The following LRRC19 variants were observed in gnomAD, a reference collection of about 807,000 sequenced individuals.
The protein encoded by LRRC19 is leucine-rich repeat-containing protein 19.
LRRC19 carries 33 observed loss-of-function variants against 33.3 expected under a neutral mutation model. That is an observed-to-expected ratio of 0.99 (90% CI 0.75 to 1.33). The LOEUF is 1.33. LRRC19 is among the 40% of genes most tolerant of loss of function. LRRC19 has a pLI of 0.00. For missense variants in LRRC19, 463 were observed against 417.3 expected, an observed-to-expected ratio of 1.11 and a Z score of -0.95; for synonymous variants, 184 against 152.3, an observed-to-expected ratio of 1.21 and a Z score of -1.53.
chr9:27,002,172 C>G (rs1049769608), intron 1 of LRRC19, among the ~76,000 whole-genome samples: 4 of 152,112 alleles, frequency 2.6e-5, no homozygotes, highest in Non-Finnish European at 1.5e-5. Flanking sequence ...GGCTCTGTTG[C>G]CCAGGCTGGA....
intron 1 of LRRC19, among the ~76,000 whole-genome samples, chr9:27,005,362 C>A (rs1048870670): frequency 9.6e-5 from 2 of 20,928 alleles, no homozygotes; most frequent in South Asian, 1.7e-3. Flanking sequence ...TCCCCCCCCG[C>A]CCCCCGCAAA....
chr9:26,999,610 T>C lies in LRRC19; in HGVS notation c.81+4A>G, dbSNP rs573742706. 2.2e-5 allele frequency: 35 copies of C among 1,575,440 alleles called. No homozygotes were observed. In the South Asian group the frequency reaches 4.0e-4, roughly 18 times the overall value. ...TTTTTACTATTTTGATTGTAAAAAC[T>C]TACTCTTTTAGAAGACTGGATTTTG... On this transcript the variant is annotated splice_donor_region_variant and intron_variant, in intron 2 of 4. Transcript: ENST00000380055.
intron 3 of LRRC19, 65 bp from the exon 4 acceptor site, chr9:26,996,564 T>A: frequency 8.9e-7 from 1 of 1,128,962 alleles, no homozygotes; most frequent in South Asian, 3.6e-5. Flanking sequence ...ATTTTATAAT[T>A]GTTTTATCTA....
chr9:27,003,994 G>A (rs114967797), intron 1 of LRRC19, among the ~76,000 whole-genome samples: 1,926 of 152,308 alleles, frequency 0.013, 39 homozygotes, highest in African/African-American at 0.044. Context: ...CTGCAGAGGT[G>A]ACTGAGGAGA....
At chr9:27,002,386 A>G (rs2131585935) in intron 1 of LRRC19, among the ~76,000 whole-genome samples, 1 of 152,366 alleles carries the variant, frequency 6.6e-6, no homozygotes, top group East Asian at 1.9e-4. Flanking sequence ...CCGAAAAGAG[A>G]GTCAGCCCTC....
chr9:26,999,776 T>A, intron 1 of LRRC19, 73 bp from the exon 2 acceptor site: 2 of 857,150 alleles, frequency 2.3e-6, no homozygotes, highest in Non-Finnish European at 3.3e-6. Flanking sequence ...TATTCTTTTT[T>A]TTTTTTTTTT....
At chr9:26,997,618 G>T (rs780869486) in intron 3 of LRRC19, 110 bp downstream of exon 3, 1 of 1,160,968 alleles carries the variant, frequency 8.6e-7, no homozygotes, top group Non-Finnish European at 1.2e-6. Flanking sequence ...ACAGGCATGA[G>T]CCACTGCGCC....
At chr9:27,001,306 T>C (rs552249573) in intron 1 of LRRC19, among the ~76,000 whole-genome samples, 2 of 152,296 alleles carry the variant, frequency 1.3e-5, no homozygotes, top group South Asian at 4.1e-4. Context: ...ATCTCTTTTT[T>C]TTAAATGTAT....
intron 1 of LRRC19, among the ~76,000 whole-genome samples, chr9:27,002,788 C>A (rs947911563): frequency 6.6e-6 from 1 of 152,076 alleles, no homozygotes; most frequent in Non-Finnish European, 1.5e-5. Flanking sequence ...TTTATGGTTC[C>A]ATATGAATTT....
chr9:26,994,567 C>G lies in LRRC19; in HGVS notation c.*954G>C, dbSNP rs1359425905. On this transcript the variant is annotated 3_prime_UTR_variant, in exon 5 of 5. Transcript: ENST00000380055. ...AAAAAAAAAAAAAAAGAAAAAGAAT[C>G]TTGTTTCACCTTGTTTAAACTACTA... 6.7e-6 allele frequency: 1 copy of G among 149,512 alleles called. No homozygotes were observed. Among genetic ancestry groups the G allele is most frequent in the Non-Finnish European group, 1.5e-5 (1 of 67,220 alleles). The allele number at this position is 149,512 out of a possible 1,614,324, so 9.3% of individuals were successfully genotyped here.
chr9:27,003,472 G>A (rs1222053452), intron 1 of LRRC19, among the ~76,000 whole-genome samples: 8 of 151,992 alleles, frequency 5.3e-5, no homozygotes, highest in South Asian at 2.1e-4. Context: ...GCAGTGAGCC[G>A]TGATCATGCC....
chr9:26,997,589 C>T lies in LRRC19; in HGVS notation c.595+139G>A, dbSNP rs1828232009. 11 of 877,732 alleles carry T rather than the reference C, an allele frequency of 1.3e-5. 1 individual carries two copies. In the South Asian group the frequency reaches 2.1e-4, roughly 16 times the overall value. 54.4% of individuals were successfully genotyped at this position (877,732 alleles called of 1,614,324 possible). ...CCTCAGGTGATCCCCCTGCCTTGGC[C>T]TCCCATAGTGATGGGATTACAGGCA... On this transcript the variant is annotated intron_variant, in intron 3 of 4. Transcript: ENST00000380055.
At chr9:27,003,057 C>T (rs1828584415) in intron 1 of LRRC19, among the ~76,000 whole-genome samples, 1 of 152,078 alleles carries the variant, frequency 6.6e-6, no homozygotes, top group African/African-American at 2.4e-5. Context: ...CTATCGTAAA[C>T]AGGCTTGCTT....
chr9:26,999,662 C>A lies in LRRC19; in HGVS notation c.33G>T (p.Trp11Cys), dbSNP rs1828367912. Residue 11 changes from tryptophan (W) to cysteine (C), a missense_variant, in exon 2 of 5, where the codon TGG becomes TGT. Trp to Cys is a radical substitution (Grantham distance 215). Transcript: ENST00000380055. MKVTGITILF[W>C]PLSMILLSDK... ...CTGATAATAATATCATGGAGAGGGG[C>A]CAAAAGAGGATTGTGATGCCTGTGA... 6.2e-7 allele frequency: 1 copy of A among 1,609,390 alleles called. No homozygotes were observed. Among genetic ancestry groups the A allele is most frequent in the Non-Finnish European group, 8.5e-7 (1 of 1,178,142 alleles).
At position 26,996,360 on chromosome 9, in the gene LRRC19, G is replaced by T; in HGVS notation, c.735C>A (p.Ile245=). ...AAGAGCTATTAAATATTGAATTGCT[G>T]ATGGGCTGAAAATGAATATAAAGAT... is the stretch of plus-strand genomic sequence containing the variant. ...TEDLYIHFQP[I]SNSIFNSSSN... is the part of the protein sequence containing the mutation. The change falls in exon 4 of 5, where the codon ATC becomes ATA. Residue 245 remains isoleucine, a synonymous_variant. Coordinates refer to ENST00000380055, the MANE Select transcript of LRRC19 (RefSeq NM_022901.3). 6.2e-7 allele frequency: 1 copy of T among 1,607,804 alleles called. No individual in the cohort carries two copies. The highest frequency in any genetic ancestry group is 1.1e-5 in the South Asian group (1 of 90,048).
chr9:27,002,342 C>T (rs1169427194), intron 1 of LRRC19, among the ~76,000 whole-genome samples: 1 of 152,206 alleles, frequency 6.6e-6, no homozygotes, highest in African/African-American at 2.4e-5. Flanking sequence ...AGCAACATGG[C>T]TGTTTATTTC....
Position 26,997,652 on chromosome 9 carries a change from C to T in LRRC19, c.595+76G>A, listed in dbSNP as rs552366313. 1.1e-4 allele frequency: 165 copies of T among 1,457,652 alleles called. No homozygotes were observed. In the Middle Eastern group the frequency reaches 1.8e-3, roughly 16 times the overall value. 90.3% of individuals were successfully genotyped at this position (1,457,652 alleles called of 1,614,324 possible). On this transcript the variant is annotated intron_variant, in intron 3 of 4. Coordinates refer to ENST00000380055, the MANE Select transcript of LRRC19 (RefSeq NM_022901.3). ...CCTGGCTGCTTCCTTTTCTTTAAAA[C>T]GTGATATGAGAGATTTTTCTGTGGT...
chr9:26,997,686 G>A (rs1378241186), intron 3 of LRRC19, 42 bp downstream of exon 3: 5 of 1,538,654 alleles, frequency 3.2e-6, no homozygotes, highest in Non-Finnish European at 4.4e-6. Context: ...GTGGAACATT[G>A]AGTTAATCAC....
rs771074603 is a variant in LRRC19 at position 26,997,908 on chromosome 9, C to A, written c.415G>T (p.Asp139Tyr). 1.2e-6 allele frequency: 2 copies of A among 1,614,110 alleles called. No individual in the cohort carries two copies. The highest frequency in any genetic ancestry group is 1.1e-5 in the South Asian group (1 of 91,068). Residue 139 changes from aspartate to tyrosine, a missense_variant, in exon 3 of 5, where the codon GAT becomes TAT. Physicochemically the swap from Asp to Tyr is radical, Grantham distance 160. Transcript: ENST00000380055. The part of the protein sequence containing the change: ...CQNKIEQLNA[D>Y]VFVPLRSLKL... ...AGGCTTCTTAGAGGCACAAATACAT[C>A]AGCATTCAGTTGTTCTATTTTGTTT...
Sources: allele counts gnomAD v4.1 joint callset (sites outside exome capture counted in the v4.1 genomes callset), GRCh38; gene constraint gnomAD v4.1.1; transcripts MANE v1.5; gene names NCBI Gene and HGNC (gene_info 2026-07-23, HGNC 2026-07-21).